ZNF341: variants seen among roughly 807,000 people sequenced by gnomAD.
ZNF341 encodes zinc finger protein 341.
ZNF341 carries 52 observed loss-of-function variants against 87.7 expected under a neutral mutation model. The observed-to-expected ratio is 0.59, with a 90% CI of 0.47 to 0.75. The LOEUF (loss-of-function observed/expected upper bound fraction) is 0.75. ZNF341 is among the 30% of genes least tolerant of loss of function. The probability of loss-of-function intolerance (pLI) is 0.00; values close to 1 mark genes in which losing one functional copy is unlikely to be tolerated. For synonymous variants in ZNF341, 459 were observed against 472.7 expected, an observed-to-expected ratio of 0.97 and a Z score of 0.38; for missense variants, 977 against 1,145.9, an observed-to-expected ratio of 0.85 and a Z score of 2.13.
At chr20:33,745,518 T>C (rs1352530158) in intron 3 of ZNF341, among the ~76,000 whole-genome samples, 1 of 152,078 alleles carries the variant, frequency 6.6e-6, no homozygotes, top group African/African-American at 2.4e-5. Context: ...CCATATTGTC[T>C]ATCGTGCTTG....
At position 33,742,902 on chromosome 20, in the gene ZNF341, C is replaced by T. The variant is rs1483720768; in HGVS notation, c.142+1890C>T. Among the ~76,000 whole-genome samples the T allele has an allele frequency of 2.0e-5, 3 of 152,162 alleles. 1 individual carries two copies. The highest frequency in any genetic ancestry group is 6.3e-3 in the Middle Eastern group (2 of 316). ...GAAATATATTATTTAACTATGAAGC[C>T]ATGTTTCCCACTGAAATTTGTATTA... is the stretch of plus-strand genomic sequence containing the variant. On this transcript the variant is annotated intron_variant, in intron 2 of 14. Coordinates refer to ENST00000375200, the MANE Select transcript of ZNF341 (RefSeq NM_001282933.2).
Position 33,771,652 on chromosome 20 carries a change from T to G in ZNF341, c.1622+1360T>G, listed in dbSNP as rs182461682. ...TCACTTCAGTCTTCCATTGTGGTCATGAAGAGGGTCCCTTTGGCAGAAATG... is the reference window on the plus strand; with the variant it reads ...TCACTTCAGTCTTCCATTGTGGTCAGGAAGAGGGTCCCTTTGGCAGAAATG... On this transcript the variant is annotated intron_variant, in intron 10 of 14. Transcript: ENST00000375200. 2.4e-3 allele frequency among the ~76,000 whole-genome samples: 361 copies of G among 152,242 alleles called. 3 individuals carry two copies. Among genetic ancestry groups the G allele is most frequent in the African/African-American group, 8.1e-3 (338 of 41,560 alleles).
In ZNF341 at chr20:33,761,945, C is replaced by T. The variant is rs1389442325; in HGVS notation, c.1112C>T (p.Thr371Ile). Reference sequence around the variant, plus strand: ...TCTAATGTTAAGAAACACATGCAGACCCACAAGGTGTGGCCTCCAGGACAC... The same window carrying T: ...TCTAATGTTAAGAAACACATGCAGATCCACAAGGTGTGGCCTCCAGGACAC... The part of the protein sequence containing the change: ...QKSNVKKHMQ[T>I]HKVWPPGHSG... Residue 371 changes from threonine to isoleucine, a missense_variant, in exon 8 of 15, where the codon ACC becomes ATC. Thr to Ile is a moderately conservative substitution (Grantham distance 89). Coordinates refer to ENST00000375200, the MANE Select transcript of ZNF341 (RefSeq NM_001282933.2). The T allele has an allele frequency of 3.1e-6, 5 of 1,608,982 alleles. No individual in the cohort carries two copies. In the African/African-American group the frequency reaches 5.3e-5, roughly 17 times the overall value.
intron 1 of ZNF341, among the ~76,000 whole-genome samples, chr20:33,733,406 T>C (rs933624753): frequency 1.3e-5 from 2 of 151,824 alleles, no homozygotes; most frequent in African/African-American, 4.8e-5. Context: ...TTTTTTTTTT[T>C]TTTTGTATTT....
rs919050437 is a variant in ZNF341, at chr20:33,767,166, C to T, written c.1413+125C>T. On this transcript the variant is annotated intron_variant, in intron 9 of 14. Coordinates refer to ENST00000375200, the MANE Select transcript of ZNF341 (RefSeq NM_001282933.2). Reference sequence around the variant, plus strand: ...GAGTCAGACCTTCCACGGCTCTATTCCCCCCGGGTTAGATTCCGAGCAGGG... The same window carrying T: ...GAGTCAGACCTTCCACGGCTCTATTTCCCCCGGGTTAGATTCCGAGCAGGG... The T allele has an allele frequency of 7.8e-5, 89 of 1,138,082 alleles. No individual in the cohort carries two copies. The Middle Eastern group carries it at 9.2e-4, about 12-fold the overall frequency. The allele number at this position is 1,138,082 out of a possible 1,614,324, so 70.5% of individuals were successfully genotyped here.
chr20:33,778,685 C>T (rs1167821631), intron 10 of ZNF341, among the ~76,000 whole-genome samples: 5 of 152,206 alleles, frequency 3.3e-5, no homozygotes, highest in African/African-American at 7.2e-5. Flanking sequence ...CTGGGCCCTT[C>T]GCAGGTGCAG....
intron 2 of ZNF341, among the ~76,000 whole-genome samples, chr20:33,743,800 C>T (rs1313645310): frequency 6.6e-6 from 1 of 152,202 alleles, no homozygotes; most frequent in African/African-American, 2.4e-5. Context: ...GTTAATCATT[C>T]ATTTAGTTTT....
intron 5 of ZNF341, among the ~76,000 whole-genome samples, chr20:33,755,983 G>T (rs577688996): frequency 6.6e-6 from 1 of 151,958 alleles, no homozygotes; most frequent in African/African-American, 2.4e-5. Flanking sequence ...TGCACTTTGG[G>T]AGCCCGAGGT....
rs774717184 is a variant in ZNF341, at chr20:33,753,417, C to A, written c.735C>A (p.Pro245=). ...CACTGGGGATGCAGCCCTACCCACCCCTAGAGGTGAGCAGAGGGGGCAGGG... is the reference window on the plus strand; with the variant it reads ...CACTGGGGATGCAGCCCTACCCACCACTAGAGGTGAGCAGAGGGGGCAGGG... ...IQALGMQPYP[P]LEVPNQCVEP... is the part of the protein sequence containing the mutation. Residue 245 remains proline (P), a synonymous_variant, in exon 5 of 15, where the codon CCC becomes CCA. Transcript: ENST00000375200. The A allele has an allele frequency of 1.9e-6, 3 of 1,597,666 alleles. No individual in the cohort carries two copies. The highest frequency in any genetic ancestry group is 2.6e-6 in the Non-Finnish European group (3 of 1,172,576).
chr20:33,768,167 G>A (rs1034104367), intron 9 of ZNF341, among the ~76,000 whole-genome samples: 3 of 151,834 alleles, frequency 2.0e-5, no homozygotes, highest in Non-Finnish European at 4.4e-5. Flanking sequence ...CTGTCGCCCA[G>A]GCTGGAGTGC....
intron 1 of ZNF341, among the ~76,000 whole-genome samples, chr20:33,733,706 C>T (rs113491791): frequency 2.3e-3 from 354 of 152,260 alleles, no homozygotes; most frequent in Middle Eastern, 0.01. Context: ...CAATTCGCAC[C>T]AGGAAATGGG....
At chr20:33,764,543 G>GTGTGTGTATATATATATATATATATA (rs1332743148) in intron 8 of ZNF341, among the ~76,000 whole-genome samples, 1 of 69,336 alleles carries the variant, frequency 1.4e-5, no homozygotes, top group African/African-American at 6.8e-5. Flanking sequence ...GTGTGTATGT[G>GTGTGTGTATATATATATATATATATA]TATATATATA....
Position 33,789,581 on chromosome 20 carries a change from C to A in ZNF341, c.2028C>A (p.Ser676=). ...ACAAGCTGAAGGCCCACATCCTCTC[C>A]CACTCTGGTAAGTGGCTCTTGGGCC... is the stretch of plus-strand genomic sequence containing the variant. The part of the protein sequence containing the change: ...RPDKLKAHIL[S]HSGMKLHKCA... The change falls in exon 14 of 15, where the codon TCC becomes TCA. Residue 676 remains serine (S), a synonymous_variant. Transcript: ENST00000375200. The A allele has an allele frequency of 6.2e-7, 1 of 1,614,106 alleles. No homozygotes were observed. Among genetic ancestry groups the A allele is most frequent in the Non-Finnish European group, 8.5e-7 (1 of 1,180,010 alleles).
chr20:33,746,424 G>T (rs2018926329), intron 3 of ZNF341, among the ~76,000 whole-genome samples: 1 of 151,294 alleles, frequency 6.6e-6, no homozygotes, highest in South Asian at 2.1e-4. Context: ...AGTAGAGATG[G>T]GGTTTCACCA....
intron 7 of ZNF341, 48 bp downstream of exon 7, chr20:33,758,854 G>T: frequency 9.1e-6 from 14 of 1,540,728 alleles, no homozygotes; most frequent in Non-Finnish European, 1.2e-5. Context: ...GTGTGGCTGG[G>T]ACCATCTGTG....
chr20:33,746,682 G>A (rs1192472441), intron 3 of ZNF341, among the ~76,000 whole-genome samples: 1 of 152,166 alleles, frequency 6.6e-6, no homozygotes, highest in East Asian at 1.9e-4. Flanking sequence ...CCCGTTGAGG[G>A]ACTGTAGTGC....
Position 33,732,062 on chromosome 20 carries a change from G to T in ZNF341, c.31+10G>T, listed in dbSNP as rs1465155819. 3.9e-6 allele frequency: 5 copies of T among 1,272,178 alleles called. No individual in the cohort carries two copies. Among genetic ancestry groups the T allele is most frequent in the Non-Finnish European group, 4.0e-6 (4 of 1,004,180 alleles). The allele number at this position is 1,272,178 out of a possible 1,614,324, so 78.8% of individuals were successfully genotyped here. On this transcript the variant is annotated intron_variant, in intron 1 of 14. Transcript: ENST00000375200. This position sits in a 1 kb window ranked among gnomAD's most constrained non-coding sequence, Gnocchi z 4.5. ...TTTGAGGCCCTGGAGGGTGAGCGGC[G>T]GCGGGGCCGGCGGAGGCGGCTGTTC...
intron 4 of ZNF341, among the ~76,000 whole-genome samples, chr20:33,750,057 T>G (rs2019020811): frequency 6.6e-6 from 1 of 152,232 alleles, no homozygotes; most frequent in African/African-American, 2.4e-5. Context: ...GCCTTGTTTT[T>G]ATTCTTAACA....
intron 7 of ZNF341, 35 bp from the exon 8 acceptor site, chr20:33,761,827 C>T: frequency 6.9e-7 from 1 of 1,440,038 alleles, no homozygotes; most frequent in South Asian, 1.5e-5. Flanking sequence ...GTCCCCGTTC[C>T]TGCAGGAGGG....
Sources: allele counts gnomAD v4.1 joint callset (sites outside exome capture counted in the v4.1 genomes callset), GRCh38; gene constraint gnomAD v4.1.1; non-coding constraint Gnocchi (gnomAD v3.1); transcripts MANE v1.5; gene names NCBI Gene and HGNC (gene_info 2026-07-23, HGNC 2026-07-21).